Variants in PCCA observed in about 807,000 individuals in gnomAD.
PCCA encodes the protein propionyl-CoA carboxylase subunit alpha, also known as propionyl-CoA carboxylase alpha chain, mitochondrial.
Under a neutral mutation model 101.3 loss-of-function variants are expected in PCCA, and 74 were observed. That is an observed-to-expected ratio of 0.73 (90% confidence interval 0.61 to 0.89). The LOEUF (loss-of-function observed/expected upper bound fraction) is 0.89, where lower values mean the gene tolerates loss of function less well. PCCA is among the 40% of genes least tolerant of loss of function. The probability of loss-of-function intolerance (pLI) is 0.00; values close to 1 mark genes in which losing one functional copy is unlikely to be tolerated. For synonymous variants in PCCA, 294 were observed against 313.6 expected (o/e 0.94, Z 0.66); for missense variants, 891 against 907.0 (o/e 0.98, Z 0.23).
intron 16 of PCCA, 58 bp from the exon 17 acceptor site, chr13:100,330,503 C>G: frequency 9.8e-7 from 1 of 1,023,148 alleles, no homozygotes; most frequent in South Asian, 1.3e-5. Context: ...TCCAGATTAT[C>G]AGAATTCAAT....
At chr13:100,366,500 T>C (rs542924767) in intron 18 of PCCA, among the ~76,000 whole-genome samples, 10 of 152,264 alleles carry the variant, frequency 6.6e-5, no homozygotes, top group African/African-American at 2.2e-4. Context: ...CACAGGACAC[T>C]GGGAGACAAA....
chr13:100,482,146 A>G (rs1323154535), intron 21 of PCCA, among the ~76,000 whole-genome samples: 3 of 152,190 alleles, frequency 2.0e-5, no homozygotes, highest in Non-Finnish European at 2.9e-5. Flanking sequence ...GGTACCTGAG[A>G]CAGCTTGTCA....
intron 16 of PCCA, 65 bp downstream of exon 16, chr13:100,309,973 G>C: frequency 8.6e-7 from 1 of 1,164,566 alleles, no homozygotes; most frequent in Non-Finnish European, 1.3e-6. Context: ...GAACAGCCTG[G>C]GGGTTTACCA....
intron 16 of PCCA, among the ~76,000 whole-genome samples, chr13:100,325,662 C>G (rs2068590911): frequency 6.6e-6 from 1 of 152,172 alleles, no homozygotes; most frequent in Admixed American, 6.5e-5. Context: ...GGTTTATGAT[C>G]TGCACTTATC....
intron 21 of PCCA, chr13:100,466,120 G>A (rs2082497976): frequency 6.6e-6 from 1 of 152,208 alleles, no homozygotes; most frequent in East Asian, 1.9e-4. Flanking sequence ...GGTATACAGT[G>A]CGTGTGCAGC....
intron 19 of PCCA, among the ~76,000 whole-genome samples, chr13:100,404,363 A>G (rs757403319): frequency 6.6e-6 from 1 of 152,210 alleles, no homozygotes; most frequent in Non-Finnish European, 1.5e-5. Context: ...GGTTTGGGAA[A>G]TTAACTCTTT....
At position 100,530,169 on chromosome 13, in the gene PCCA, G is replaced by C. The variant is rs1439862841; in HGVS notation, c.*3G>C. 2 of 1,610,776 alleles carry C rather than the reference G, an allele frequency of 1.2e-6. No individual in the cohort carries two copies. The highest frequency in any genetic ancestry group is 2.2e-5 in the South Asian group (2 of 91,002). ...ATCTGCTCGTGGAGCTGGAATGAAG[G>C]ATTTATAACCTTTCAGTCATCACCC... On this transcript the variant is annotated 3_prime_UTR_variant, in exon 24 of 24. Coordinates refer to ENST00000376285, the MANE Select transcript of PCCA (RefSeq NM_000282.4).
intron 21 of PCCA, chr13:100,491,309 CT>C (rs1253186191): frequency 6.0e-6 from 1 of 167,914 alleles, no homozygotes; most frequent in Non-Finnish European, 1.3e-5. Flanking sequence ...AGTAGCATTG[CT>C]GCGTATTTTG....
At chr13:100,303,469 G>A (rs2066221078) in intron 14 of PCCA, among the ~76,000 whole-genome samples, 2 of 152,072 alleles carry the variant, frequency 1.3e-5, no homozygotes, top group Non-Finnish European at 1.5e-5. Flanking sequence ...ACTTTAAAGA[G>A]TAATAATATT....
At chr13:100,482,386 GAGGC>G (rs1172378254) in intron 21 of PCCA, among the ~76,000 whole-genome samples, 7 of 152,178 alleles carry the variant, frequency 4.6e-5, no homozygotes, top group Non-Finnish European at 8.8e-5. Flanking sequence ...GACAGTTGAT[GAGGC>G]AGGCTCCAAG....
At position 100,394,224 on chromosome 13, in the gene PCCA, T is replaced by C. The variant is rs369915987; in HGVS notation, c.1746+25650T>C. ...TGCAACTGAATTCTCATTTCATTCA[T>C]CCATAACTAGAAACACCTCGCTTCA... On this transcript the variant is annotated intron_variant, in intron 19 of 23. Coordinates refer to ENST00000376285, the MANE Select transcript of PCCA (RefSeq NM_000282.4). The surrounding 1 kb of genome is among the most constrained non-coding windows in gnomAD (Gnocchi z 4.3). Among the ~76,000 whole-genome samples the C allele has an allele frequency of 1.1e-3, 165 of 152,342 alleles. 6 individuals carry two copies. In the South Asian group the frequency reaches 0.031, roughly 29 times the overall value.
At chr13:100,226,295 T>G (rs1250773938) in intron 7 of PCCA, among the ~76,000 whole-genome samples, 1 of 152,160 alleles carries the variant, frequency 6.6e-6, no homozygotes, top group African/African-American at 2.4e-5. Context: ...AAACAAATTA[T>G]TATTTTTTTT....
intron 22 of PCCA, among the ~76,000 whole-genome samples, chr13:100,520,479 C>CA: frequency 6.6e-6 from 1 of 151,648 alleles, no homozygotes; most frequent in East Asian, 1.9e-4. Flanking sequence ...ACTAAAAATA[C>CA]AAAAAATTAG....
At chr13:100,247,765 C>G (rs1422031837) in intron 8 of PCCA, among the ~76,000 whole-genome samples, 1 of 152,130 alleles carries the variant, frequency 6.6e-6, no homozygotes, top group East Asian at 1.9e-4. Context: ...ATCCGCCCAC[C>G]TCGGCCTCCC....
At position 100,458,614 on chromosome 13, in the gene PCCA, AAC is replaced by A. The variant is rs1285213233; in HGVS notation, c.1899+9311_1899+9312del. Among the ~76,000 whole-genome samples, 3 of 152,220 alleles carry A rather than the reference AAC, an allele frequency of 2.0e-5. No homozygotes were observed. In the East Asian group the frequency reaches 5.8e-4, roughly 29 times the overall value. ...TACTCCACTTCACTCCAGCCTGGGGAACAGAGTGAGACCCCACCTCAAAAAAA... is the reference window on the plus strand; with the variant it reads ...TACTCCACTTCACTCCAGCCTGGGGAAGAGTGAGACCCCACCTCAAAAAAA... On this transcript the variant is annotated intron_variant, in intron 21 of 23. Transcript: ENST00000376285.
intron 22 of PCCA, among the ~76,000 whole-genome samples, chr13:100,520,662 T>TG (rs2087212403): frequency 7.1e-6 from 1 of 140,512 alleles, no homozygotes. Context: ...AAAAAAGAGT[T>TG]GGTTTTTGTT....
chr13:100,478,663 T>C (rs911590717), intron 21 of PCCA, among the ~76,000 whole-genome samples: 56 of 152,166 alleles, frequency 3.7e-4, no homozygotes, highest in African/African-American at 4.8e-5. Flanking sequence ...CAGCCAGGCG[T>C]ACTGTAGCGG....
chr13:100,136,788 T>G (rs187609660), intron 4 of PCCA, among the ~76,000 whole-genome samples: 8 of 152,194 alleles, frequency 5.3e-5, no homozygotes, highest in Admixed American at 5.2e-4. Flanking sequence ...CGTTTTTTTC[T>G]TCTTTTCTTA....
At chr13:100,387,721 C>T (rs572205544) in intron 19 of PCCA, among the ~76,000 whole-genome samples, 20 of 152,264 alleles carry the variant, frequency 1.3e-4, no homozygotes, top group Non-Finnish European at 2.5e-4. Flanking sequence ...CAGTGGGTAT[C>T]GCACTCTACT....
Sources: gnomAD v4.1 joint callset for allele counts (sites outside exome capture counted in the v4.1 genomes callset) on GRCh38, gnomAD v4.1.1 for gene constraint, Gnocchi (gnomAD v3.1) non-coding constraint, MANE v1.5 for transcripts, NCBI Gene and HGNC (gene_info 2026-07-23, HGNC 2026-07-21) for gene names.